CYB5R1: variants seen among roughly 807,000 people sequenced by gnomAD.
CYB5R1 encodes cytochrome b5 reductase 1.
A neutral mutation model predicts 37.4 loss-of-function variants in CYB5R1; 32 were observed. The observed-to-expected ratio is 0.86, with a 90% confidence interval of 0.65 to 1.15. The LOEUF is 1.15. CYB5R1 is among the 50% of genes most tolerant of loss of function. The probability of loss-of-function intolerance (pLI) is 0.00; values close to 1 mark genes in which losing one functional copy is unlikely to be tolerated. For missense variants in CYB5R1, 345 were observed against 382.5 expected, an observed-to-expected ratio of 0.90 and a Z score of 0.82; for synonymous variants, 159 against 155.2, an observed-to-expected ratio of 1.02 and a Z score of -0.18.
In CYB5R1 at chr1:202,963,107, T is replaced by C. The variant is rs1655024577; in HGVS notation, c.704A>G (p.Asn235Ser). Residue 235 changes from asparagine to serine, a missense_variant, in exon 8 of 9, where the codon AAT (asparagine) becomes AGT (serine). Transcript: ENST00000367249. ...CAGAGTGAACCAGAGCTTAAAGCGA[T>C]TGGGATAGCGGGCCTGCAGTTCCTC... ...DLEELQARYP[N>S]RFKLWFTLDH... 1 of 1,613,984 alleles carries C rather than the reference T, an allele frequency of 6.2e-7. No individual in the cohort carries two copies. Among genetic ancestry groups the C allele is most frequent in the African/African-American group, 1.3e-5 (1 of 74,892 alleles).
At chr1:202,966,715 C>T (rs200382218) in intron 2 of CYB5R1, 34 bp downstream of exon 2, 103 of 1,612,600 alleles carry the variant, frequency 6.4e-5, no homozygotes, top group Non-Finnish European at 8.6e-5. Flanking sequence ...CTCTGGTCCC[C>T]TCCTTCACCC....
intron 7 of CYB5R1, 65 bp from the exon 8 acceptor site, chr1:202,963,230 C>T (rs1200472345): frequency 1.8e-5 from 21 of 1,173,674 alleles, no homozygotes; most frequent in Admixed American, 2.0e-5. Flanking sequence ...AAGTTTTCTG[C>T]TATACAACTT....
rs985788373 is a variant in CYB5R1 at position 202,963,783 on chromosome 1, G to C, written c.560-56C>G. On this transcript the variant is annotated intron_variant, in intron 6 of 8. Transcript: ENST00000367249. The stretch of plus-strand genomic sequence containing the variant: ...GTGGCCACACTCTCTGCCCTGTCCT[G>C]GCTCCTTAGCTGACCAGCCCTTTCA... 15 of 1,286,144 alleles carry C rather than the reference G, an allele frequency of 1.2e-5. No individual in the cohort carries two copies. The Admixed American group carries it at 3.2e-4, about 27-fold the overall frequency. 79.7% of individuals were successfully genotyped at this position (1,286,144 alleles called of 1,614,324 possible).
At position 202,963,677 on chromosome 1, in the gene CYB5R1, C is replaced by A; in HGVS notation, c.610G>T (p.Asp204Tyr). Residue 204 changes from aspartate (D) to tyrosine (Y), a missense_variant, in exon 7 of 9, where the codon GAT becomes TAT. By Grantham distance (160) the Asp-to-Tyr change is radical. Transcript: ENST00000367249. ...AAAAGCAGAAAGCACTGGGTTGGAT[C>A]TTCAGGGACTTTCAGGATGGCCCGG... is the stretch of plus-strand genomic sequence containing the variant. ...LIRAILKVPE[D>Y]PTQCFLLFAN... 6.2e-7 allele frequency: 1 copy of A among 1,610,576 alleles called. No individual in the cohort carries two copies.
At position 202,966,525 on chromosome 1, in the gene CYB5R1, T is replaced by C. The variant is rs1226972213; in HGVS notation, c.238+3A>G. The C allele has an allele frequency of 1.2e-6, 2 of 1,614,114 alleles. No homozygotes were observed. The highest frequency in any genetic ancestry group is 4.5e-5 in the East Asian group (2 of 44,876). ...AAAGGAGCCCATTCCACACTTTCCT[T>C]ACCCACAGGCAGCCCCAGAGTGTGG... On this transcript the variant is annotated splice_donor_region_variant and intron_variant, in intron 3 of 8. Coordinates refer to ENST00000367249, the MANE Select transcript of CYB5R1 (RefSeq NM_016243.3).
intron 7 of CYB5R1, 107 bp from the exon 8 acceptor site, chr1:202,963,272 C>T (rs987341630): frequency 2.3e-5 from 18 of 771,922 alleles, no homozygotes; most frequent in Middle Eastern, 2.8e-4. Context: ...TAAGGGAAAG[C>T]AAAAGTTCTA....
rs2232844 is a variant in CYB5R1, at chr1:202,964,739, A to G, written c.476-44T>C. 6,798 of 1,397,146 alleles carry G rather than the reference A, an allele frequency of 4.9e-3. 278 individuals are homozygous for G. In the African/African-American group the frequency reaches 0.084, roughly 17 times the overall value. 86.5% of individuals were successfully genotyped at this position (1,397,146 alleles called of 1,614,324 possible). ...AGAGCAGTGGAAGAATAAAGTCAAT[A>G]CAGCGAACTTAGAAAACAAATGCAG... On this transcript the variant is annotated intron_variant, in intron 5 of 8. Coordinates refer to ENST00000367249, the MANE Select transcript of CYB5R1 (RefSeq NM_016243.3).
intron 3 of CYB5R1, 185 bp from the exon 4 acceptor site, chr1:202,966,178 A>G: frequency 1.7e-6 from 1 of 603,392 alleles, no homozygotes. Flanking sequence ...CAGTTGAGGA[A>G]ACACTTATTT....
rs1655070883 is a variant in CYB5R1, at chr1:202,965,487, C to T, written c.359G>A (p.Gly120Asp). 1.9e-6 allele frequency: 3 copies of T among 1,595,898 alleles called. No individual in the cohort carries two copies. The highest frequency in any genetic ancestry group is 3.5e-5 in the Admixed American group (2 of 56,494). ...VDLVIKVYLK[G>D]VHPKFPEGGK... ...TCCCTCAGGAAATTTGGGGTGCACA[C>T]CCTTCAGGTAGACCTTACAAGACAG... is the stretch of plus-strand genomic sequence containing the variant. The change falls in exon 5 of 9, where the codon GGT (glycine) becomes GAT (aspartate). Residue 120 changes from glycine (G) to aspartate (D), a missense_variant. Gly to Asp is a moderately conservative substitution (Grantham distance 94). Coordinates refer to ENST00000367249, the MANE Select transcript of CYB5R1 (RefSeq NM_016243.3).
intron 3 of CYB5R1, 42 bp from the exon 4 acceptor site, chr1:202,966,035 G>A: frequency 1.6e-6 from 2 of 1,282,542 alleles, no homozygotes; most frequent in Non-Finnish European, 2.3e-6. Flanking sequence ...TGTCTGTGAT[G>A]TGCTGCATCC....
rs1571578283 is a variant in CYB5R1 at position 202,966,684 on chromosome 1, G to GT, written c.165+64dup. On this transcript the variant is annotated intron_variant, in intron 2 of 8. Coordinates refer to ENST00000367249, the MANE Select transcript of CYB5R1 (RefSeq NM_016243.3). ...GGACATCCCAACCACCGTGGGTGCT[G>GT]TACCCTCCATGCCAGGAGCACTCTG... 1.2e-5 allele frequency: 20 copies of GT among 1,612,564 alleles called. No homozygotes were observed. The East Asian group carries it at 4.2e-4, about 34-fold the overall frequency.
chr1:202,963,349 T>A, intron 7 of CYB5R1, 184 bp from the exon 8 acceptor site: 1 of 603,234 alleles, frequency 1.7e-6, no homozygotes, highest in Non-Finnish European at 2.9e-6. Flanking sequence ...ACAGCCTTTA[T>A]CTACACATTA....
At chr1:202,965,169 A>C in intron 5 of CYB5R1, 2 of 584,288 alleles carry the variant, frequency 3.4e-6, no homozygotes, top group Non-Finnish European at 5.9e-6. Context: ...TGGCTAGGGA[A>C]TTCAAGTGGA....
chr1:202,964,446 C>A lies in CYB5R1; in HGVS notation c.559+166G>T, dbSNP rs1437770655. 9.8e-6 allele frequency: 6 copies of A among 612,998 alleles called. No individual in the cohort carries two copies. In the East Asian group the frequency reaches 1.4e-4, roughly 14 times the overall value. 38.0% of individuals were successfully genotyped at this position (612,998 alleles called of 1,614,324 possible). ...AGTTAAAATTTTTTTTGGTTTCTAC[C>A]TGCTTATGATTTTGTTTTTCAGATA... On this transcript the variant is annotated intron_variant, in intron 6 of 8. Transcript: ENST00000367249.
Position 202,962,704 on chromosome 1 carries a change from A to C in CYB5R1, c.746-5T>G. The C allele has an allele frequency of 6.2e-7, 1 of 1,614,048 alleles. No homozygotes were observed. The highest frequency in any genetic ancestry group is 1.7e-4 in the Middle Eastern group (1 of 6,058). On this transcript the variant is annotated splice_polypyrimidine_tract_variant and splice_region_variant and intron_variant, in intron 8 of 8. Transcript: ENST00000367249. ...AGCCCTTGCTGTAGGCCCAATCTGA[A>C]GTATGGGGAGAAGAAAGTACTTAAT...
chr1:202,963,773 GC>G (rs1371029430), intron 6 of CYB5R1, 46 bp from the exon 7 acceptor site: 2 of 1,394,546 alleles, frequency 1.4e-6, no homozygotes, highest in Non-Finnish European at 9.9e-7. Context: ...CACACTCTCT[GC>G]CCTGTCCTGG....
Position 202,963,671 on chromosome 1 carries a change from T to C in CYB5R1, c.616A>G (p.Thr206Ala). 6.2e-7 allele frequency: 1 copy of C among 1,610,376 alleles called. No homozygotes were observed. The highest frequency in any genetic ancestry group is 1.1e-5 in the South Asian group (1 of 90,202). ...RAILKVPEDP[T>A]QCFLLFANQT... The stretch of plus-strand genomic sequence containing the variant: ...TTGGCAAAAAGCAGAAAGCACTGGG[T>C]TGGATCTTCAGGGACTTTCAGGATG... The change falls in exon 7 of 9, where the codon ACC becomes GCC. Residue 206 changes from threonine to alanine, a missense_variant. Physicochemically the swap from Thr to Ala is moderately conservative, Grantham distance 58 (BLOSUM62 0). Transcript: ENST00000367249.
At position 202,966,851 on chromosome 1, in the gene CYB5R1, G is replaced by C. The variant is rs757335214; in HGVS notation, c.63C>G (p.Leu21=). The C allele has an allele frequency of 3.1e-6, 5 of 1,613,802 alleles. No homozygotes were observed. The South Asian group carries it at 4.4e-5, about 14-fold the overall frequency. Residue 21 remains leucine (L), a synonymous_variant, in exon 2 of 9, where the codon CTC becomes CTG. Transcript: ENST00000367249. The part of the protein sequence containing the change: ...ASLGVGLVTL[L]GLAVGSYLVR... ...CCAAGTAGGAGCCCACAGCCAGGCC[G>C]AGCAGAGTGACCAGCCCCACCCCCA...
Position 202,963,150 on chromosome 1 carries a change from T to A in CYB5R1, c.661A>T (p.Ile221Phe), listed in dbSNP as rs780457584. 1 of 1,614,008 alleles carries A rather than the reference T, an allele frequency of 6.2e-7. No homozygotes were observed. The highest frequency in any genetic ancestry group is 1.1e-5 in the South Asian group (1 of 91,086). ...AGTTCCTCTAAGTCCTCCCGCAAGA[T>A]GATATCCTTTTCTGTCTGAAATGCA... ...LFANQTEKDI[I>F]LREDLEELQA... Residue 221 changes from isoleucine to phenylalanine, a missense_variant, in exon 8 of 9, where the codon ATC becomes TTC. Ile to Phe is a conservative substitution (Grantham distance 21). Transcript: ENST00000367249.
Sources: allele counts gnomAD v4.1 joint callset, GRCh38; gene constraint gnomAD v4.1.1; transcripts MANE v1.5; gene names NCBI Gene and HGNC (gene_info 2026-07-23, HGNC 2026-07-21).